AP2A2: variants seen among roughly 807,000 people sequenced by gnomAD.
AP2A2 encodes adaptor related protein complex 2 subunit alpha 2, also known as AP-2 complex subunit alpha-2.
A neutral mutation model predicts 104.2 loss-of-function variants in AP2A2; 32 were observed. The observed-to-expected ratio is 0.31, with a 90% confidence interval of 0.23 to 0.41. AP2A2 has a LOEUF of 0.41. Among genes scored for constraint, AP2A2 ranks in the 10% least tolerant of loss-of-function variants. The pLI is 1.00. For synonymous variants in AP2A2, 539 were observed against 533.3 expected (o/e 1.01, Z -0.15); for missense variants, 912 against 1,261.0 (o/e 0.72, Z 4.19).
chr11:994,196 T>C lies in AP2A2; in HGVS notation c.1907T>C (p.Val636Ala), dbSNP rs1047236191. 3.1e-6 allele frequency: 5 copies of C among 1,612,928 alleles called. No individual in the cohort carries two copies. Among genetic ancestry groups the C allele is most frequent in the Non-Finnish European group, 4.2e-6 (5 of 1,179,842 alleles). Residue 636 changes from valine to alanine, a missense_variant, in exon 14 of 22, where the codon GTG (valine) becomes GCG (alanine). Val to Ala is a moderately conservative substitution (Grantham distance 64, BLOSUM62 0). Transcript: ENST00000448903. Reference sequence around the variant, plus strand: ...GAGGACACCAAGCGGGACAGGAGTGTGGACGTGAACGGGGGTCCTGAGCCT... The same window carrying C: ...GAGGACACCAAGCGGGACAGGAGTGCGGACGTGAACGGGGGTCCTGAGCCT... ...DLEDTKRDRS[V>A]DVNGGPEPAP... is the part of the protein sequence containing the mutation.
intron 9 of AP2A2, among the ~76,000 whole-genome samples, chr11:988,114 C>T (rs1253221687): frequency 6.6e-6 from 1 of 152,266 alleles, no homozygotes; most frequent in Non-Finnish European, 1.5e-5. Context: ...GCTGCAGAGC[C>T]TCCTGGGGGC....
chr11:990,937 G>A (rs1217859624), intron 10 of AP2A2, among the ~76,000 whole-genome samples: 2 of 147,352 alleles, frequency 1.4e-5, no homozygotes, highest in Admixed American at 1.3e-4. Flanking sequence ...CTTTCAGTCG[G>A]GTATGGTGCT....
intron 1 of AP2A2, chr11:948,563 T>A (rs532046923): frequency 5.2e-4 from 79 of 152,292 alleles, no homozygotes; most frequent in African/African-American, 1.9e-3. Context: ...TAGATTGAAT[T>A]AATAATTTAA....
At chr11:960,241 T>C (rs1854382867) in intron 2 of AP2A2, among the ~76,000 whole-genome samples, 1 of 116,600 alleles carries the variant, frequency 8.6e-6, no homozygotes, top group African/African-American at 3.0e-5. Context: ...TAGTTTCTTT[T>C]CTTTTCTTTT....
At chr11:988,810 A>G in intron 10 of AP2A2, 121 bp downstream of exon 10, 1 of 1,286,874 alleles carries the variant, frequency 7.8e-7, no homozygotes, top group South Asian at 1.3e-5. Flanking sequence ...GAGATGCTGA[A>G]TACAAGGCTC....
chr11:983,577 G>T (rs919671459), intron 6 of AP2A2, among the ~76,000 whole-genome samples: 56 of 151,866 alleles, frequency 3.7e-4, no homozygotes, highest in East Asian at 1.2e-3. Flanking sequence ...TAGAGATGGG[G>T]TTTCACTGTG....
At chr11:1,009,021 A>G (rs1856308180) in intron 18 of AP2A2, 79 bp from the exon 19 acceptor site, 2 of 1,216,508 alleles carry the variant, frequency 1.6e-6, no homozygotes, top group African/African-American at 3.0e-5. Context: ...GACGCTTCTC[A>G]CTCCAGGCTC....
At chr11:977,446 GCACAGAGGCTCTGCAGA>G (rs1330691716) in intron 5 of AP2A2, among the ~76,000 whole-genome samples, 1 of 151,076 alleles carries the variant, frequency 6.6e-6, no homozygotes, top group East Asian at 1.9e-4. Context: ...CCCTCGGGTA[GCACAGAGGCTCTGCAGA>G]CACCCCCAGC....
At position 988,975 on chromosome 11, in the gene AP2A2, A is replaced by G. The variant is rs1855555647; in HGVS notation, c.1269+286A>G. 5.8e-5 allele frequency: 26 copies of G among 452,020 alleles called. No homozygotes were observed. In the South Asian group the frequency reaches 7.2e-4, roughly 12 times the overall value. 28.0% of individuals were successfully genotyped at this position (452,020 alleles called of 1,614,324 possible). On this transcript the variant is annotated intron_variant, in intron 10 of 21. Transcript: ENST00000448903. The stretch of plus-strand genomic sequence containing the variant: ...ATGTCACTGCACTCTAGCCTGGGCA[A>G]CACAGCGAGACCCTGTCTTAAAAAA...
At chr11:1,004,121 G>A (rs917969915) in intron 16 of AP2A2, among the ~76,000 whole-genome samples, 1 of 152,094 alleles carries the variant, frequency 6.6e-6, no homozygotes, top group African/African-American at 2.4e-5. Context: ...AGTCACGAGG[G>A]AAGTGCCAAT....
intron 18 of AP2A2, 81 bp from the exon 19 acceptor site, chr11:1,009,019 T>C: frequency 8.3e-7 from 1 of 1,199,876 alleles, no homozygotes; most frequent in Non-Finnish European, 1.2e-6. Context: ...GGGACGCTTC[T>C]CACTCCAGGC....
chr11:1,011,890 C>T lies in AP2A2; in HGVS notation c.*1265C>T, dbSNP rs948408488. The T allele has an allele frequency of 6.7e-5, 13 of 194,498 alleles. No homozygotes were observed. Among genetic ancestry groups the T allele is most frequent in the Admixed American group, 1.1e-4 (2 of 17,932 alleles). The allele number at this position is 194,498 out of a possible 1,614,324, so 12.0% of individuals were successfully genotyped here. A position where few individuals can be genotyped will look rare whatever the true frequency, so the allele number is the denominator to read the frequency against. On this transcript the variant is annotated 3_prime_UTR_variant, in exon 22 of 22. Coordinates refer to ENST00000448903, the MANE Select transcript of AP2A2 (RefSeq NM_012305.4). The stretch of plus-strand genomic sequence containing the variant: ...TGTGCACCCCACAATGTCTGCGGCT[C>T]TTCTTCCGGCGTGTCGGGCTTTGAT...
At chr11:963,954 G>A (rs1334185222) in intron 2 of AP2A2, among the ~76,000 whole-genome samples, 1 of 152,206 alleles carries the variant, frequency 6.6e-6, no homozygotes, top group East Asian at 1.9e-4. Context: ...CTCGTGGGTG[G>A]AGGTGGGAGG....
intron 1 of AP2A2, among the ~76,000 whole-genome samples, chr11:939,003 T>A (rs1589946477): frequency 6.6e-6 from 1 of 151,872 alleles, no homozygotes; most frequent in South Asian, 2.1e-4. Flanking sequence ...CCTGTAATCC[T>A]AGCACTTTGG....
intron 20 of AP2A2, 82 bp downstream of exon 20, chr11:1,009,479 C>T: frequency 6.9e-7 from 1 of 1,442,886 alleles, no homozygotes; most frequent in Non-Finnish European, 9.6e-7. Flanking sequence ...CCCCGGGGAA[C>T]ACGCAGCCCA....
At chr11:963,733 C>T (rs1212274032) in intron 2 of AP2A2, among the ~76,000 whole-genome samples, 4 of 152,240 alleles carry the variant, frequency 2.6e-5, no homozygotes, top group Admixed American at 6.5e-5. Context: ...AGCCATCCTT[C>T]CACCTTGGCC....
chr11:972,304 A>T (rs1157726919), intron 4 of AP2A2, 49 bp downstream of exon 4: 5 of 1,493,376 alleles, frequency 3.3e-6, no homozygotes, highest in Non-Finnish European at 4.5e-6. Context: ...TGCTGCTTTC[A>T]TGCCAAATAC....
chr11:936,711 G>A (rs72850137), intron 1 of AP2A2, among the ~76,000 whole-genome samples: 15,951 of 152,156 alleles, frequency 0.1, 1,262 homozygotes, highest in South Asian at 0.34. Context: ...GATGCTTGAC[G>A]TTGTGAATTT....
At chr11:967,354 A>AT (rs981277225) in intron 2 of AP2A2, among the ~76,000 whole-genome samples, 4 of 151,492 alleles carry the variant, frequency 2.6e-5, no homozygotes, top group Admixed American at 2.6e-4. Context: ...GTTTCGTTTT[A>AT]TTTTTTTATT....
Sources: gnomAD v4.1 joint callset for allele counts (sites outside exome capture counted in the v4.1 genomes callset) on GRCh38, gnomAD v4.1.1 for gene constraint, MANE v1.5 for transcripts, NCBI Gene and HGNC (gene_info 2026-07-23, HGNC 2026-07-21) for gene names.